The following SRFBP1 variants were observed in gnomAD, a reference collection of about 807,000 sequenced individuals.
The protein encoded by SRFBP1 is serum response factor-binding protein 1.
SRFBP1 carries 47 observed loss-of-function variants against 45.5 expected under a neutral mutation model. That is an observed-to-expected ratio of 1.03 (90% CI 0.82 to 1.32). SRFBP1 has a LOEUF of 1.32. Among genes scored for constraint, SRFBP1 ranks in the 40% most tolerant of loss-of-function variants. SRFBP1 has a pLI of 0.00. For synonymous variants in SRFBP1, 203 were observed against 166.3 expected (o/e 1.22, Z -1.70); for missense variants, 621 against 484.6 (o/e 1.28, Z -2.64).
Position 122,027,097 on chromosome 5 carries a change from C to T in SRFBP1, c.1261C>T (p.Gln421Ter). 6.2e-7 allele frequency: 1 copy of T among 1,604,794 alleles called. No homozygotes were observed. The highest frequency in any genetic ancestry group is 2.2e-5 in the East Asian group (1 of 44,642). ...ACAGCAATCTAATATTGCTGTGTTT[C>T]AGGGGAAAAAAATTACGTTTGATGA... ...KEQQSNIAVF[Q>*]GKKITFDD Residue 421 changes from glutamine to a stop codon, truncating the protein, a stop_gained, in exon 8 of 8, where the codon CAG becomes TAG. Transcript: ENST00000339397. LOFTEE classifies it high-confidence loss of function.
At position 122,028,519 on chromosome 5, in the gene SRFBP1, A is replaced by ACC. The variant is rs879720596; in HGVS notation, c.*1393_*1394insCC. ...CTACTCAGAAGGCTGAGGCATAAGA[A>ACC]TTGCTTGAACCTGGGAGGTGGAGGT... On this transcript the variant is annotated 3_prime_UTR_variant, in exon 8 of 8. Coordinates refer to ENST00000339397, the MANE Select transcript of SRFBP1 (RefSeq NM_152546.3). The ACC allele has an allele frequency of 6.6e-6, 1 of 152,092 alleles. No individual in the cohort carries two copies. Among genetic ancestry groups the ACC allele is most frequent in the Non-Finnish European group, 1.5e-5 (1 of 68,108 alleles). The allele number at this position is 152,092 out of a possible 1,614,324, so 9.4% of individuals were successfully genotyped here.
chr5:121,993,142 A>G (rs1752651327), intron 3 of SRFBP1, among the ~76,000 whole-genome samples: 1 of 152,104 alleles, frequency 6.6e-6, no homozygotes, highest in African/African-American at 2.4e-5. Context: ...TTCACTTTCT[A>G]TATATCTTTT....
intron 3 of SRFBP1, among the ~76,000 whole-genome samples, chr5:121,976,547 G>C (rs930204302): frequency 6.6e-6 from 1 of 151,822 alleles, no homozygotes; most frequent in Admixed American, 6.6e-5. Flanking sequence ...AAAATAGGAA[G>C]TTACAATTTA....
At chr5:122,004,949 A>T (rs553730643) in intron 4 of SRFBP1, among the ~76,000 whole-genome samples, 1 of 152,242 alleles carries the variant, frequency 6.6e-6, no homozygotes, top group South Asian at 2.1e-4. Context: ...TGGATGTGTG[A>T]ATTTTTCAAA....
chr5:122,027,157 T>TAA lies in SRFBP1; in HGVS notation c.*41_*42dup. 2.7e-5 allele frequency: 34 copies of TAA among 1,275,004 alleles called. No homozygotes were observed. Among genetic ancestry groups the TAA allele is most frequent in the South Asian group, 1.1e-4 (7 of 66,556 alleles). 79.0% of individuals were successfully genotyped at this position (1,275,004 alleles called of 1,614,324 possible). A position where few individuals can be genotyped will look rare whatever the true frequency, so the allele number is the denominator to read the frequency against. On this transcript the variant is annotated 3_prime_UTR_variant, in exon 8 of 8. Coordinates refer to ENST00000339397, the MANE Select transcript of SRFBP1 (RefSeq NM_152546.3). ...GCCTCTTTCTGCAAACTTTTCCATC[T>TAA]AAAAAAAAAAATGTTTTTTTTAAGA...
intron 1 of SRFBP1, among the ~76,000 whole-genome samples, chr5:121,966,762 A>AT (rs199744091): frequency 6.0e-5 from 9 of 150,362 alleles, no homozygotes; most frequent in Non-Finnish European, 8.9e-5. Flanking sequence ...CTGACATTTT[A>AT]TTTTTTTTTA....
intron 1 of SRFBP1, among the ~76,000 whole-genome samples, chr5:121,973,736 T>G (rs1752247822): frequency 6.6e-6 from 1 of 151,854 alleles, no homozygotes; most frequent in Non-Finnish European, 1.5e-5. Flanking sequence ...AAAGATTTGT[T>G]TTATAAATAT....
downstream of SRFBP1, chr5:122,076,800 T>C (rs1027344502): frequency 2.8e-6 from 3 of 1,083,826 alleles, no homozygotes; most frequent in African/African-American, 4.6e-5. Context: ...TCCTAACACT[T>C]GTCTGCGCGA....
At chr5:122,043,944 C>T (rs1452871578) in intron 2 of SRFBP1, among the ~76,000 whole-genome samples, 1 of 152,012 alleles carries the variant, frequency 6.6e-6, no homozygotes, top group Non-Finnish European at 1.5e-5. Context: ...TACTGATAGT[C>T]TTGTCTCCCT....
intron 1 of SRFBP1, among the ~76,000 whole-genome samples, chr5:121,968,155 T>C (rs1305169392): frequency 6.6e-6 from 1 of 151,798 alleles, no homozygotes; most frequent in Non-Finnish European, 1.5e-5. Flanking sequence ...TCTCCCTTTA[T>C]CCATGGGGGT....
rs79899122 is a variant in SRFBP1 at position 122,022,363 on chromosome 5, C to T, written c.1068-7C>T. 1.8e-3 allele frequency: 2,912 copies of T among 1,607,228 alleles called. 8 individuals are homozygous for T. The highest frequency in any genetic ancestry group is 2.3e-3 in the Non-Finnish European group (2,715 of 1,176,748). ...AAAAAGTCATAATGGTGTTTTTCTT[C>T]TTTTAGAAATTTCAAAGAACAGGCT... On this transcript the variant is annotated splice_polypyrimidine_tract_variant and splice_region_variant and intron_variant, in intron 6 of 7. Transcript: ENST00000339397.
chr5:122,013,350 A>G (rs1753132911), intron 4 of SRFBP1, among the ~76,000 whole-genome samples: 1 of 152,120 alleles, frequency 6.6e-6, no homozygotes, highest in Admixed American at 6.5e-5. Context: ...AGAAGCACTG[A>G]GTACATTTTC....
intron 2 of SRFBP1, among the ~76,000 whole-genome samples, chr5:122,054,921 T>G (rs1754052657): frequency 6.6e-6 from 1 of 152,236 alleles, no homozygotes; most frequent in South Asian, 2.1e-4. Flanking sequence ...ACATTTACAT[T>G]CTGTAATACC....
intron 2 of SRFBP1, among the ~76,000 whole-genome samples, chr5:122,039,465 A>G (rs1753739720): frequency 6.6e-6 from 1 of 152,184 alleles, no homozygotes; most frequent in African/African-American, 2.4e-5. Flanking sequence ...TTCTTTCCTT[A>G]GGCACCTGGG....
intron 2 of SRFBP1, among the ~76,000 whole-genome samples, chr5:122,034,323 C>A (rs899306406): frequency 6.6e-6 from 1 of 151,992 alleles, no homozygotes. Context: ...TACATTTAGT[C>A]TGTTTTTCGT....
At chr5:122,071,608 T>C (rs1231269425) in intron 2 of SRFBP1, among the ~76,000 whole-genome samples, 1 of 152,178 alleles carries the variant, frequency 6.6e-6, no homozygotes, top group Non-Finnish European at 1.5e-5. Flanking sequence ...TTTCCTCAGA[T>C]TGGAGTCTGT....
intron 3 of SRFBP1, among the ~76,000 whole-genome samples, chr5:121,985,233 T>A (rs181811873): frequency 6.6e-6 from 1 of 151,952 alleles, no homozygotes; most frequent in East Asian, 1.9e-4. Context: ...GAAGTCTTTC[T>A]GTAACAGTGA....
downstream of SRFBP1, among the ~76,000 whole-genome samples, chr5:122,030,547 C>T (rs1235465543): frequency 6.6e-6 from 1 of 151,450 alleles, no homozygotes; most frequent in African/African-American, 2.4e-5. Context: ...TAGAGCTTGC[C>T]CAATGAGATA....
intron 4 of SRFBP1, among the ~76,000 whole-genome samples, chr5:121,997,305 A>C (rs1438518132): frequency 6.7e-6 from 1 of 149,980 alleles, no homozygotes; most frequent in Admixed American, 6.6e-5. Context: ...TGGTACTGGT[A>C]CCAAAACAGA....
Sources: gnomAD v4.1 joint callset for allele counts (sites outside exome capture counted in the v4.1 genomes callset) on GRCh38, gnomAD v4.1.1 for gene constraint, MANE v1.5 for transcripts, NCBI Gene and HGNC (gene_info 2026-07-23, HGNC 2026-07-21) for gene names.